RAB40A: variants seen among roughly 807,000 people sequenced by gnomAD.
The protein encoded by RAB40A is RAB40A, member RAS oncogene family, also known as ras-related protein Rab-40A.
For missense variants in RAB40A, 145 were observed against 230.2 expected (o/e 0.63, Z 2.40); for synonymous variants, 65 against 99.9 (o/e 0.65, Z 2.08).
intron 2 of RAB40A, among the ~76,000 whole-genome samples, chrX:103,504,438 C>A (rs1436811178): frequency 1.8e-5 from 2 of 111,897 alleles, no homozygotes; most frequent in African/African-American, 3.2e-5. Flanking sequence ...TTGGGTACAT[C>A]ATTTTTTAAA....
rs769633750 is a variant in RAB40A, at chrX:103,514,180, T to C, written c.-71+3194A>G. ...TTCTCATGTTTCTTCCTTTCTCCTTTCCGTCAGATAGCCAGACAACTACAG... is the reference window on the plus strand; with the variant it reads ...TTCTCATGTTTCTTCCTTTCTCCTTCCCGTCAGATAGCCAGACAACTACAG... On this transcript the variant is annotated intron_variant, in intron 2 of 2. Coordinates refer to ENST00000304236, the MANE Select transcript of RAB40A (RefSeq NM_080879.3). Among the ~76,000 whole-genome samples the C allele has an allele frequency of 5.4e-5, 6 of 111,199 alleles. No homozygotes were observed. In the South Asian group the frequency reaches 1.5e-3, roughly 29 times the overall value.
At chrX:103,506,928 T>C (rs2073257516) in intron 2 of RAB40A, among the ~76,000 whole-genome samples, 2 of 112,171 alleles carry the variant, frequency 1.8e-5, no homozygotes, top group Non-Finnish European at 3.8e-5. Flanking sequence ...TTTTATTTCT[T>C]CTAAAAAAAT....
intron 2 of RAB40A, chrX:103,502,837 C>T: frequency 7.9e-6 from 6 of 756,101 alleles, no homozygotes; most frequent in Non-Finnish European, 9.5e-6. Flanking sequence ...CCTTACCGAG[C>T]TGTCCCAAGG....
At position 103,499,755 on chromosome X, in the gene RAB40A, T is replaced by TCAAAAACAAA; in HGVS notation, c.*167_*168insTTTGTTTTTG. On this transcript the variant is annotated 3_prime_UTR_variant, in exon 3 of 3. Transcript: ENST00000304236. The stretch of plus-strand genomic sequence containing the variant: ...CAAATAGAAATTCAAAGTCAAACTG[T>TCAAAAACAAA]GTAATGTGTTTTTATTGACAGAAGG... The TCAAAAACAAA allele has an allele frequency of 1.8e-6, 1 of 549,925 alleles. No homozygotes were observed. Among genetic ancestry groups the TCAAAAACAAA allele is most frequent in the Non-Finnish European group, 3.0e-6 (1 of 329,471 alleles). The allele number at this position is 549,925 out of a possible 1,213,427, so 45.3% of individuals were successfully genotyped here. A position where few individuals can be genotyped will look rare whatever the true frequency, so the allele number is the denominator to read the frequency against.
chrX:103,503,152 A>G, intron 2 of RAB40A: 1 of 753,948 alleles, frequency 1.3e-6, no homozygotes, highest in Non-Finnish European at 1.6e-6. Flanking sequence ...TTCACTTCCC[A>G]AGCTAGAAAG....
downstream of RAB40A, chrX:103,497,695 T>C (rs1415970135): frequency 8.9e-6 from 1 of 111,938 alleles, no homozygotes; most frequent in Non-Finnish European, 1.9e-5. Flanking sequence ...CCAGCTCTTG[T>C]GTCACTTAAA....
chrX:103,519,287 A>G (rs1049495421), intron 1 of RAB40A, 83 bp downstream of exon 1: 4 of 111,789 alleles, frequency 3.6e-5, no homozygotes, highest in Non-Finnish European at 7.5e-5. Flanking sequence ...TGCTGCACCC[A>G]TCAACCCGTC....
intron 2 of RAB40A, among the ~76,000 whole-genome samples, chrX:103,508,765 C>G (rs2073270336): frequency 1.8e-5 from 2 of 112,106 alleles, no homozygotes; most frequent in African/African-American, 6.5e-5. Flanking sequence ...GGTGGTAAGA[C>G]AGGCATGTTT....
At chrX:103,513,228 C>T (rs1268243799) in intron 2 of RAB40A, among the ~76,000 whole-genome samples, 3 of 111,446 alleles carry the variant, frequency 2.7e-5, no homozygotes, top group Non-Finnish European at 5.6e-5. Flanking sequence ...TGCACTAGCA[C>T]AAATAAAGTC....
At chrX:103,505,769 A>G (rs1037961202) in intron 2 of RAB40A, among the ~76,000 whole-genome samples, 8 of 111,552 alleles carry the variant, frequency 7.2e-5, no homozygotes, top group Admixed American at 3.8e-4. Flanking sequence ...ATTATAATGT[A>G]GCTCAATTTA....
chrX:103,514,524 A>AT (rs1350315549), intron 2 of RAB40A, among the ~76,000 whole-genome samples: 8 of 110,084 alleles, frequency 7.3e-5, no homozygotes, highest in South Asian at 4.0e-4. Flanking sequence ...TAATTTTTGT[A>AT]TTTTTTTGTA....
downstream of RAB40A, among the ~76,000 whole-genome samples, chrX:103,496,900 T>C (rs1461093369): frequency 8.9e-6 from 1 of 112,253 alleles, no homozygotes; most frequent in Non-Finnish European, 1.9e-5. Context: ...TCCATATAGA[T>C]GTTCATTTTA....
Position 103,500,631 on chromosome X carries a change from C to A in RAB40A, c.126G>T (p.Pro42=), listed in dbSNP as rs748229696. 8.3e-7 allele frequency: 1 copy of A among 1,208,370 alleles called. No individual in the cohort carries two copies. The highest frequency in any genetic ancestry group is 1.8e-5 in the African/African-American group (1 of 56,608). ...AGTCGATCCCCCCGAGATGGCTGTA[C>A]GGGGACTCAGCTGCACCATCCTGCA... ...ESLQDGAAES[P]YSHLGGIDYK... The change falls in exon 3 of 3, where the codon CCG becomes CCT. Residue 42 remains proline (P), a synonymous_variant. Coordinates refer to ENST00000304236, the MANE Select transcript of RAB40A (RefSeq NM_080879.3).
chrX:103,503,406 C>T (rs1453284841), intron 2 of RAB40A: 4 of 751,115 alleles, frequency 5.3e-6, no homozygotes, highest in Non-Finnish European at 4.7e-6. Flanking sequence ...TGTGAGGGAC[C>T]TCTCCACAGC....
intron 2 of RAB40A, among the ~76,000 whole-genome samples, chrX:103,509,289 ATCTCTCTCTCTC>A (rs373450734): frequency 0.14 from 11,741 of 86,018 alleles, 2,244 homozygotes; most frequent in African/African-American, 0.47. Flanking sequence ...CAGCCACAGG[ATCTCTCTCTCTC>A]TCTCTCTCTC....
At chrX:103,503,333 A>C (rs1212837186) in intron 2 of RAB40A, 47 of 750,652 alleles carry the variant, frequency 6.3e-5, no homozygotes, top group Non-Finnish European at 7.4e-5. Context: ...GAGGACTGAA[A>C]GGGAATGGGA....
chrX:103,513,114 G>A (rs1021193205), intron 2 of RAB40A, among the ~76,000 whole-genome samples: 12 of 112,025 alleles, frequency 1.1e-4, no homozygotes, highest in African/African-American at 2.6e-4. Flanking sequence ...GGGCAAGCAC[G>A]TCTCTCAGAT....
rs1215456371 is a variant in RAB40A at position 103,501,145 on chromosome X, C to T, written c.-70-319G>A. 5 of 164,137 alleles carry T rather than the reference C, an allele frequency of 3.0e-5. No individual in the cohort carries two copies. The East Asian group carries it at 8.3e-4, about 27-fold the overall frequency. The allele number at this position is 164,137 out of a possible 1,213,427, so 13.5% of individuals were successfully genotyped here. ...AAGATGTGTTGAGTACTGTACGTAC[C>T]CTATGCTGTGTATGACGCTTAAAAT... On this transcript the variant is annotated intron_variant, in intron 2 of 2. Coordinates refer to ENST00000304236, the MANE Select transcript of RAB40A (RefSeq NM_080879.3).
At chrX:103,504,440 T>C (rs1014072106) in intron 2 of RAB40A, among the ~76,000 whole-genome samples, 3 of 112,103 alleles carry the variant, frequency 2.7e-5, no homozygotes, top group Admixed American at 9.5e-5. Flanking sequence ...GGGTACATCA[T>C]TTTTTAAAAT....
Sources: allele counts gnomAD v4.1 joint callset (sites outside exome capture counted in the v4.1 genomes callset), GRCh38; gene constraint gnomAD v4.1.1; transcripts MANE v1.5; gene names NCBI Gene and HGNC (gene_info 2026-07-23, HGNC 2026-07-21).